The following FOXP2 variants were observed in gnomAD, a reference collection of about 807,000 sequenced individuals.
FOXP2 encodes the protein forkhead box P2.
Under a neutral mutation model 115.8 loss-of-function variants are expected in FOXP2, and 12 were observed. That is an observed-to-expected ratio of 0.10 (90% CI 0.07 to 0.17). FOXP2 has a LOEUF of 0.17. Among genes scored for constraint, FOXP2 ranks in the 10% least tolerant of loss-of-function variants. The probability of loss-of-function intolerance (pLI) is 1.00; values close to 1 mark genes in which losing one functional copy is unlikely to be tolerated. For missense variants in FOXP2, 629 were observed against 843.5 expected (o/e 0.75, Z 3.15); for synonymous variants, 328 against 297.7 (o/e 1.10, Z -1.05).
intron 1 of FOXP2, among the ~76,000 whole-genome samples, chr7:114,225,160 T>C (rs1317019931): frequency 1.3e-5 from 2 of 152,122 alleles, no homozygotes; most frequent in African/African-American, 2.4e-5. Context: ...ACTGCACTTG[T>C]CTGCTTTGAG....
intron 1 of FOXP2, among the ~76,000 whole-genome samples, chr7:114,218,498 A>G (rs1382413790): frequency 1.3e-5 from 2 of 152,332 alleles, no homozygotes; most frequent in East Asian, 3.9e-4. Flanking sequence ...GGGCCATATG[A>G]AAATAATAGT....
intron 1 of FOXP2, among the ~76,000 whole-genome samples, chr7:114,164,431 C>T (rs1401657360): frequency 6.6e-6 from 1 of 151,386 alleles, no homozygotes; most frequent in Non-Finnish European, 1.5e-5. Context: ...TGCAACCTCC[C>T]CCTCCTGGAT....
intron 1 of FOXP2, among the ~76,000 whole-genome samples, chr7:114,190,390 A>G (rs1419274268): frequency 2.0e-5 from 3 of 152,192 alleles, no homozygotes; most frequent in Non-Finnish European, 2.9e-5. Flanking sequence ...TCTCTGCTCC[A>G]GCTGGAACTT....
intron 3 of FOXP2, among the ~76,000 whole-genome samples, chr7:114,567,040 T>A (rs1801060145): frequency 6.6e-6 from 1 of 152,064 alleles, no homozygotes; most frequent in Non-Finnish European, 1.5e-5. Flanking sequence ...AAAAAAATAT[T>A]TCTTTACTCA....
At chr7:114,257,451 C>CTT (rs35852445) in intron 1 of FOXP2, among the ~76,000 whole-genome samples, 20 of 92,154 alleles carry the variant, frequency 2.2e-4, no homozygotes, top group Admixed American at 3.8e-4. Context: ...TCTTTTCTTT[C>CTT]TTTTTTTTTT....
intron 2 of FOXP2, chr7:114,463,320 T>G: frequency 4.8e-6 from 1 of 206,542 alleles, no homozygotes; most frequent in South Asian, 6.0e-5. Flanking sequence ...GAACAGTGCT[T>G]TCCAATAGAA....
At chr7:114,584,060 AT>A (rs546797572) in intron 3 of FOXP2, among the ~76,000 whole-genome samples, 11 of 151,790 alleles carry the variant, frequency 7.2e-5, no homozygotes, top group African/African-American at 2.2e-4. Flanking sequence ...CATTTACACT[AT>A]TTTTTTTATT....
chr7:114,315,921 A>G lies in FOXP2; in HGVS notation c.-11+27812A>G, dbSNP rs544143444. On this transcript the variant is annotated intron_variant, in intron 2 of 17. Coordinates refer to the FOXP2 transcript ENST00000634411. The stretch of plus-strand genomic sequence containing the variant: ...CCTGAGAAAAGCTTATTTAACTAAC[A>G]TACATATTTTCCCCATAGGGCATAT... Among the ~76,000 whole-genome samples the G allele has an allele frequency of 5.3e-5, 8 of 152,350 alleles. No individual in the cohort carries two copies. The South Asian group carries it at 1.0e-3, about 20-fold the overall frequency.
At chr7:114,370,040 A>G (rs1584671993) in intron 2 of FOXP2, among the ~76,000 whole-genome samples, 1 of 152,226 alleles carries the variant, frequency 6.6e-6, no homozygotes, top group Non-Finnish European at 1.5e-5. Flanking sequence ...AAAATCTATT[A>G]ATGATATTGA....
At chr7:114,472,737 A>G (rs768583202) in intron 2 of FOXP2, among the ~76,000 whole-genome samples, 2 of 152,150 alleles carry the variant, frequency 1.3e-5, no homozygotes, top group African/African-American at 2.4e-5. Flanking sequence ...TGCTTTTAAG[A>G]TTTAGTTCAG....
intron 1 of FOXP2, among the ~76,000 whole-genome samples, chr7:114,109,897 T>C (rs1349443899): frequency 2.6e-5 from 4 of 152,296 alleles, no homozygotes; most frequent in South Asian, 4.1e-4. Flanking sequence ...GAGCATTTGC[T>C]GTGGCATATG....
Position 114,373,640 on chromosome 7 carries a change from T to C in FOXP2, c.-10-52862T>C, listed in dbSNP as rs1792069663. On this transcript the variant is annotated intron_variant, in intron 2 of 17. Transcript: ENST00000634411. Reference sequence around the variant, plus strand: ...GGTATGCTCCAATCAATATCAACCTTTCCTTGTAGAATAAAAAAGTGGACC... The same window carrying C: ...GGTATGCTCCAATCAATATCAACCTCTCCTTGTAGAATAAAAAAGTGGACC... 3.3e-5 allele frequency among the ~76,000 whole-genome samples: 5 copies of C among 152,200 alleles called. No individual in the cohort carries two copies. The South Asian group carries it at 1.0e-3, about 31-fold the overall frequency.
At chr7:114,241,560 T>G (rs1165768645) in intron 1 of FOXP2, among the ~76,000 whole-genome samples, 3 of 152,032 alleles carry the variant, frequency 2.0e-5, no homozygotes, top group Admixed American at 6.6e-5. Flanking sequence ...ATGGGTAGTA[T>G]TTTTACTAGT....
chr7:114,359,965 A>T (rs1362917212), intron 2 of FOXP2, among the ~76,000 whole-genome samples: 3 of 152,072 alleles, frequency 2.0e-5, no homozygotes, highest in African/African-American at 7.2e-5. Context: ...TGAGGACATG[A>T]GATTTGGGAG....
At chr7:114,445,948 A>G (rs951090375) in intron 2 of FOXP2, among the ~76,000 whole-genome samples, 10 of 152,112 alleles carry the variant, frequency 6.6e-5, no homozygotes. Flanking sequence ...GTGTGTGACA[A>G]TGTAATAGCC....
At chr7:114,088,166 A>C (rs1329520971) in intron 1 of FOXP2, 1 of 139,764 alleles carries the variant, frequency 7.2e-6, no homozygotes. Context: ...TCCCCACCAC[A>C]TATTAAAATC....
chr7:114,656,824 A>G (rs1432112930), intron 10 of FOXP2, among the ~76,000 whole-genome samples: 1 of 152,160 alleles, frequency 6.6e-6, no homozygotes, highest in Non-Finnish European at 1.5e-5. Flanking sequence ...TAAATGTGTA[A>G]AACAAATCCA....
intron 1 of FOXP2, among the ~76,000 whole-genome samples, chr7:114,242,905 A>G (rs965929832): frequency 6.6e-6 from 1 of 152,190 alleles, no homozygotes; most frequent in Non-Finnish European, 1.5e-5. Flanking sequence ...TCAAATTTGA[A>G]GTTGCAGTAG....
intron 2 of FOXP2, among the ~76,000 whole-genome samples, chr7:114,357,856 T>A (rs891468199): frequency 1.3e-5 from 2 of 152,184 alleles, no homozygotes; most frequent in Non-Finnish European, 2.9e-5. Flanking sequence ...AGTAATACTA[T>A]CCTTCTTGCC....
Sources: allele counts gnomAD v4.1 joint callset (sites outside exome capture counted in the v4.1 genomes callset), GRCh38; gene constraint gnomAD v4.1.1; transcripts MANE v1.5; gene names NCBI Gene and HGNC (gene_info 2026-07-23, HGNC 2026-07-21).